INPP4B: variants seen among roughly 807,000 people sequenced by gnomAD.
INPP4B encodes inositol polyphosphate 4-phosphatase type II.
A neutral mutation model predicts 122.5 loss-of-function variants in INPP4B; 55 were observed. The ratio of observed to expected loss-of-function variants is 0.45; its 90% CI spans 0.36 to 0.56. INPP4B has a LOEUF of 0.56. INPP4B is among the 20% of genes least tolerant of loss of function. INPP4B has a pLI of 0.00. For missense variants in INPP4B, 1,000 were observed against 1,097.7 expected (o/e 0.91, Z 1.26); for synonymous variants, 403 against 388.7 (o/e 1.04, Z -0.43).
At chr4:142,039,544 C>G (rs1746023690) in intron 25 of INPP4B, among the ~76,000 whole-genome samples, 1 of 151,524 alleles carries the variant, frequency 6.6e-6, no homozygotes, top group African/African-American at 2.4e-5. Context: ...AGAATTATAA[C>G]TCAAGAACAG....
chr4:142,595,665 C>T (rs1413812092), intron 2 of INPP4B, among the ~76,000 whole-genome samples: 1 of 151,994 alleles, frequency 6.6e-6, no homozygotes, highest in African/African-American at 2.4e-5. Flanking sequence ...ATACAGTCAC[C>T]CTGGCCAAGG....
chr4:142,431,038 T>C, intron 4 of INPP4B, 131 bp downstream of exon 4: 3 of 645,410 alleles, frequency 4.6e-6, no homozygotes, highest in South Asian at 3.9e-5. Flanking sequence ...AAAAATACTT[T>C]GGTAATTTCA....
intron 11 of INPP4B, among the ~76,000 whole-genome samples, chr4:142,249,297 C>A (rs974213826): frequency 6.6e-6 from 1 of 151,992 alleles, no homozygotes; most frequent in Non-Finnish European, 1.5e-5. Context: ...GGTCTACTAG[C>A]TTCTTAGATT....
chr4:142,072,413 C>A (rs1768003550), intron 25 of INPP4B, among the ~76,000 whole-genome samples: 1 of 151,420 alleles, frequency 6.6e-6, no homozygotes, highest in African/African-American at 2.4e-5. Context: ...ACCAACATGG[C>A]ACATGTATAC....
chr4:142,122,216 C>A lies in INPP4B; in HGVS notation c.2047G>T (p.Ala683Ser). Reference protein sequence around the residue: ...SDEIGMLEDMAVGISDLKKVA... With the variant: ...SDEIGMLEDMSVGISDLKKVA... ...TTCTTTAAATCGGAAATGCCAACGGCCATGTCCTCTAGCATTCCAATTTCA... is the reference window on the plus strand; with the variant it reads ...TTCTTTAAATCGGAAATGCCAACGGACATGTCCTCTAGCATTCCAATTTCA... Residue 683 changes from alanine (A) to serine (S), a missense_variant, in exon 21 of 26, where the codon GCC becomes TCC. Transcript: ENST00000262992. 1 of 1,611,538 alleles carries A rather than the reference C, an allele frequency of 6.2e-7. No individual in the cohort carries two copies.
At chr4:142,036,044 C>T (rs1284021665) in intron 25 of INPP4B, among the ~76,000 whole-genome samples, 1 of 151,826 alleles carries the variant, frequency 6.6e-6, no homozygotes, top group African/African-American at 2.4e-5. Context: ...TTTTCAACCA[C>T]CCTCCCCTCC....
At chr4:142,640,211 A>G (rs1750085088) in intron 2 of INPP4B, among the ~76,000 whole-genome samples, 1 of 152,164 alleles carries the variant, frequency 6.6e-6, no homozygotes, top group Non-Finnish European at 1.5e-5. Flanking sequence ...CTAATTTAGA[A>G]ACATAAATGA....
chr4:142,329,441 G>A (rs910317589), intron 7 of INPP4B, among the ~76,000 whole-genome samples: 5 of 152,220 alleles, frequency 3.3e-5, no homozygotes, highest in Non-Finnish European at 7.3e-5. Flanking sequence ...TTGGGTTTAT[G>A]TTACAATTAC....
intron 3 of INPP4B, among the ~76,000 whole-genome samples, chr4:142,453,628 A>T (rs1814776772): frequency 6.6e-6 from 1 of 152,098 alleles, no homozygotes; most frequent in Non-Finnish European, 1.5e-5. Flanking sequence ...AGAATATAAT[A>T]TGACATAACT....
intron 2 of INPP4B, among the ~76,000 whole-genome samples, chr4:142,699,228 T>C (rs1350616838): frequency 6.6e-6 from 1 of 152,196 alleles, no homozygotes; most frequent in Non-Finnish European, 1.5e-5. Context: ...TGAAGCATGG[T>C]AGCACAGCAC....
intron 2 of INPP4B, among the ~76,000 whole-genome samples, chr4:142,655,694 G>C (rs1753996482): frequency 6.6e-6 from 1 of 152,156 alleles, no homozygotes. Flanking sequence ...GCAACATACT[G>C]TAGATTACAA....
chr4:142,558,800 A>G (rs1329350853), intron 2 of INPP4B, among the ~76,000 whole-genome samples: 24 of 83,758 alleles, frequency 2.9e-4, no homozygotes, highest in African/African-American at 1.2e-3. Context: ...CTCTAAAAAA[A>G]AAAAAAAAAA....
At chr4:142,591,612 C>T (rs1737514149) in intron 2 of INPP4B, among the ~76,000 whole-genome samples, 1 of 151,996 alleles carries the variant, frequency 6.6e-6, no homozygotes, top group South Asian at 2.1e-4. Flanking sequence ...TTCCAAAAAG[C>T]ACTATGGCAA....
intron 14 of INPP4B, among the ~76,000 whole-genome samples, chr4:142,202,520 C>T (rs1374870164): frequency 2.0e-5 from 3 of 152,014 alleles, no homozygotes; most frequent in African/African-American, 4.8e-5. Context: ...AGGTGATACT[C>T]TCACATTCTT....
In INPP4B at chr4:142,171,955, G is replaced by A. The variant is rs111880454; in HGVS notation, c.1359+1677C>T. Among the ~76,000 whole-genome samples the A allele has an allele frequency of 1.5e-3, 233 of 151,830 alleles. 2 individuals carry two copies. The highest frequency in any genetic ancestry group is 2.5e-3 in the Non-Finnish European group (168 of 67,872). Reference sequence around the variant, plus strand: ...TAATCACTGCAGTGGTGTGCTATTCGCTAAAATTTTCAGCTTAGGTGAACC... The same window carrying A: ...TAATCACTGCAGTGGTGTGCTATTCACTAAAATTTTCAGCTTAGGTGAACC... On this transcript the variant is annotated intron_variant, in intron 16 of 25. Coordinates refer to ENST00000262992, the MANE Select transcript of INPP4B (RefSeq NM_001101669.3).
At chr4:142,580,804 A>T (rs930970560) in intron 2 of INPP4B, among the ~76,000 whole-genome samples, 1 of 152,062 alleles carries the variant, frequency 6.6e-6, no homozygotes, top group African/African-American at 2.4e-5. Flanking sequence ...GGTCAAAATC[A>T]TTTAATCCAC....
chr4:142,305,003 A>C (rs774991752), intron 9 of INPP4B, among the ~76,000 whole-genome samples: 1 of 152,138 alleles, frequency 6.6e-6, no homozygotes, highest in African/African-American at 2.4e-5. Flanking sequence ...TAAGTGTTTT[A>C]TGTTTAATAG....
chr4:142,167,155 A>G (rs769393259), intron 16 of INPP4B, among the ~76,000 whole-genome samples: 2 of 151,892 alleles, frequency 1.3e-5, no homozygotes, highest in Non-Finnish European at 2.9e-5. Context: ...ATGCCCATCA[A>G]TGATAGACTG....
chr4:142,201,016 C>T (rs1419645950), intron 14 of INPP4B, among the ~76,000 whole-genome samples: 2 of 152,058 alleles, frequency 1.3e-5, no homozygotes, highest in Admixed American at 1.3e-4. Flanking sequence ...ATTCTAACCA[C>T]TCCTCAAAAA....
Sources: gnomAD v4.1 joint callset for allele counts (sites outside exome capture counted in the v4.1 genomes callset) on GRCh38, gnomAD v4.1.1 for gene constraint, MANE v1.5 for transcripts, NCBI Gene and HGNC (gene_info 2026-07-23, HGNC 2026-07-21) for gene names.